CYFIP2: variants seen among roughly 807,000 people sequenced by gnomAD.
CYFIP2 encodes cytoplasmic FMR1 interacting protein 2.
In CYFIP2, 29 loss-of-function variants were observed where a neutral mutation model predicts 158.7. The ratio of observed to expected loss-of-function variants is 0.18; its 90% CI spans 0.14 to 0.25. The LOEUF is 0.25. Among genes scored for constraint, CYFIP2 ranks in the 10% least tolerant of loss-of-function variants. The probability of loss-of-function intolerance (pLI) is 1.00; values close to 1 mark genes in which losing one functional copy is unlikely to be tolerated. For missense variants in CYFIP2, 852 were observed against 1,639.5 expected (o/e 0.52, Z 8.29); for synonymous variants, 585 against 617.6 (o/e 0.95, Z 0.78).
intron 20 of CYFIP2, among the ~76,000 whole-genome samples, chr5:157,332,722 C>T (rs1406722083): frequency 1.3e-5 from 2 of 152,210 alleles, no homozygotes; most frequent in Non-Finnish European, 2.9e-5. Flanking sequence ...TAGCTCACTG[C>T]AGCCACAAAC....
rs1300365735 is a variant in CYFIP2 at position 157,361,114 on chromosome 5, C to T, written c.2909-354C>T. On this transcript the variant is annotated intron_variant, in intron 25 of 30. Coordinates refer to ENST00000620254, the MANE Select transcript of CYFIP2 (RefSeq NM_001037333.3). This position sits in a 1 kb window ranked among gnomAD's most constrained non-coding sequence, Gnocchi z 4.4. ...GAGATATTACAGATAAAGTGCTCAGCACAATATCTGACACCTACTAATAAA... is the reference window on the plus strand; with the variant it reads ...GAGATATTACAGATAAAGTGCTCAGTACAATATCTGACACCTACTAATAAA... Among the ~76,000 whole-genome samples, 1 of 152,180 alleles carries T rather than the reference C, an allele frequency of 6.6e-6. No individual in the cohort carries two copies. The highest frequency in any genetic ancestry group is 1.5e-5 in the Non-Finnish European group (1 of 68,016).
intron 15 of CYFIP2, among the ~76,000 whole-genome samples, chr5:157,322,372 G>T (rs553095963): frequency 6.6e-6 from 1 of 152,350 alleles, no homozygotes; most frequent in South Asian, 2.1e-4. Context: ...TTGGGATAGA[G>T]ACTGTTTTGG....
chr5:157,311,318 C>T lies in CYFIP2; in HGVS notation c.993-346C>T. On this transcript the variant is annotated intron_variant, in intron 10 of 30. Transcript: ENST00000620254. This position sits in a 1 kb window ranked among gnomAD's most constrained non-coding sequence, Gnocchi z 4.7. Reference sequence around the variant, plus strand: ...TAGGCTGGTTTTGGAGGTTGCCCACCTTGCTTTTTCTGTGCTCAGATTCCA... The same window carrying T: ...TAGGCTGGTTTTGGAGGTTGCCCACTTTGCTTTTTCTGTGCTCAGATTCCA... 2.6e-6 allele frequency: 1 copy of T among 382,188 alleles called. No individual in the cohort carries two copies. Among genetic ancestry groups the T allele is most frequent in the South Asian group, 2.1e-5 (1 of 47,634 alleles). 23.7% of individuals were successfully genotyped at this position (382,188 alleles called of 1,614,324 possible).
chr5:157,355,227 G>A (rs887220047), intron 23 of CYFIP2, among the ~76,000 whole-genome samples: 16 of 152,144 alleles, frequency 1.1e-4, no homozygotes, highest in Admixed American at 7.9e-4. Flanking sequence ...TGGGGTACAT[G>A]CTGTGTTGCA....
At chr5:157,323,656 C>T (rs891114316) in intron 15 of CYFIP2, among the ~76,000 whole-genome samples, 8 of 152,194 alleles carry the variant, frequency 5.3e-5, no homozygotes, top group African/African-American at 1.7e-4. Context: ...CTGATATACA[C>T]GCCCTTGGCC....
At chr5:157,306,751 G>A (rs1759261852) in intron 8 of CYFIP2, among the ~76,000 whole-genome samples, 3 of 152,132 alleles carry the variant, frequency 2.0e-5, no homozygotes, top group East Asian at 1.9e-4. Context: ...GGGTGGTGGC[G>A]TGCACCTGTA....
chr5:157,293,909 G>A (rs937975593), intron 3 of CYFIP2, among the ~76,000 whole-genome samples: 3 of 152,160 alleles, frequency 2.0e-5, no homozygotes, highest in Non-Finnish European at 2.9e-5. Context: ...GTCATGGAGT[G>A]TGGAAAACAG....
At chr5:157,290,346 G>A (rs550403363) in intron 3 of CYFIP2, among the ~76,000 whole-genome samples, 1 of 152,258 alleles carries the variant, frequency 6.6e-6, no homozygotes, top group South Asian at 2.1e-4. Flanking sequence ...GCTTCTAGAG[G>A]TGTCTACATT....
intron 4 of CYFIP2, among the ~76,000 whole-genome samples, chr5:157,295,842 T>C (rs1241883798): frequency 6.6e-6 from 1 of 152,232 alleles, no homozygotes; most frequent in Non-Finnish European, 1.5e-5. Context: ...ATCCCATGTA[T>C]CCATTAGCAG....
chr5:157,316,527 T>C (rs1026050339), intron 13 of CYFIP2, among the ~76,000 whole-genome samples: 4 of 152,246 alleles, frequency 2.6e-5, no homozygotes, highest in Non-Finnish European at 5.9e-5. Context: ...TTGTGTTTTG[T>C]TTGATTACAA....
intron 6 of CYFIP2, among the ~76,000 whole-genome samples, chr5:157,301,679 A>C (rs1159139124): frequency 6.6e-6 from 1 of 152,198 alleles, no homozygotes; most frequent in Admixed American, 6.5e-5. Flanking sequence ...CTATAATCCT[A>C]GCACTTTGGG....
chr5:157,309,582 C>T (rs1320429369), intron 9 of CYFIP2, among the ~76,000 whole-genome samples, 161 bp from the exon 10 acceptor site: 9 of 152,076 alleles, frequency 5.9e-5, no homozygotes, highest in Admixed American at 6.5e-5. Context: ...GCTAGGGCTC[C>T]GTTTGGCTTC....
At position 157,284,885 on chromosome 5, in the gene CYFIP2, A is replaced by T. The variant is rs77668179; in HGVS notation, c.-23-454A>T. ...TCAGTTGATTATCTTGGCTGTCACG[A>T]TCCTGGATAATTGTATTGCATGGTA... On this transcript the variant is annotated intron_variant, in intron 1 of 30. Transcript: ENST00000620254. Among the ~76,000 whole-genome samples the T allele has an allele frequency of 3.5e-3, 528 of 152,338 alleles. 11 individuals carry two copies. In the East Asian group the frequency reaches 0.074, roughly 21 times the overall value.
At chr5:157,337,325 A>T (rs148578899) in intron 21 of CYFIP2, among the ~76,000 whole-genome samples, 128 of 152,240 alleles carry the variant, frequency 8.4e-4, no homozygotes, top group African/African-American at 3.0e-3. Context: ...TCTTTTGAAA[A>T]ATTGCAGGAT....
At chr5:157,337,418 G>A (rs985113492) in intron 21 of CYFIP2, among the ~76,000 whole-genome samples, 8 of 152,152 alleles carry the variant, frequency 5.3e-5, no homozygotes, top group Non-Finnish European at 8.8e-5. Flanking sequence ...ACCTGGGCAG[G>A]GACATCCAAT....
At chr5:157,309,516 G>C (rs1348048243) in intron 9 of CYFIP2, among the ~76,000 whole-genome samples, 2 of 152,154 alleles carry the variant, frequency 1.3e-5, no homozygotes, top group African/African-American at 4.8e-5. Flanking sequence ...TGCCTCTCTG[G>C]GCTCCGTTGC....
chr5:157,368,055 GC>G (rs1400342932), intron 26 of CYFIP2, among the ~76,000 whole-genome samples: 2 of 152,156 alleles, frequency 1.3e-5, no homozygotes, highest in African/African-American at 2.4e-5. Context: ...ACCATGCCCA[GC>G]CGACCTCTGT....
rs567703521 is a variant in CYFIP2 at position 157,338,772 on chromosome 5, A to G, written c.2386-285A>G. On this transcript the variant is annotated intron_variant, in intron 21 of 30. Transcript: ENST00000620254. ...TTCTCTACCCAAAAGGGATTTGCAC[A>G]TGGTCTATGGTCTCCTTCCAGGGGG... Among the ~76,000 whole-genome samples, 3 of 152,306 alleles carry G rather than the reference A, an allele frequency of 2.0e-5. No individual in the cohort carries two copies. In the South Asian group the frequency reaches 6.2e-4, roughly 32 times the overall value.
intron 8 of CYFIP2, among the ~76,000 whole-genome samples, chr5:157,305,877 A>G (rs1351815139): frequency 6.6e-6 from 1 of 152,134 alleles, no homozygotes; most frequent in East Asian, 1.9e-4. Flanking sequence ...TATTTTCAAA[A>G]TTTGCAATCT....
Sources: gnomAD v4.1 joint callset for allele counts (sites outside exome capture counted in the v4.1 genomes callset) on GRCh38, gnomAD v4.1.1 for gene constraint, Gnocchi (gnomAD v3.1) non-coding constraint, MANE v1.5 for transcripts, NCBI Gene and HGNC (gene_info 2026-07-23, HGNC 2026-07-21) for gene names.